The following EPB41L5 variants were observed in gnomAD, a reference collection of about 807,000 sequenced individuals.
The protein encoded by EPB41L5 is erythrocyte membrane protein band 4.1 like 5.
In EPB41L5, 55 loss-of-function variants were observed where a neutral mutation model predicts 106.6. The observed-to-expected ratio is 0.52, with a 90% confidence interval of 0.42 to 0.65. EPB41L5 has a LOEUF of 0.65. Among genes scored for constraint, EPB41L5 ranks in the 30% least tolerant of loss-of-function variants. The pLI is 0.00. For missense variants in EPB41L5, 871 were observed against 882.1 expected (o/e 0.99, Z 0.16); for synonymous variants, 297 against 306.7 (o/e 0.97, Z 0.33).
chr2:120,110,825 G>A (rs547772463), intron 16 of EPB41L5, among the ~76,000 whole-genome samples: 21 of 151,834 alleles, frequency 1.4e-4, no homozygotes, highest in Admixed American at 3.3e-4. Flanking sequence ...TAGTAGAAAC[G>A]GGGCTTCACC....
intron 3 of EPB41L5, among the ~76,000 whole-genome samples, chr2:120,051,998 T>C (rs942656434): frequency 2.6e-5 from 4 of 152,144 alleles, no homozygotes; most frequent in Non-Finnish European, 5.9e-5. Context: ...GGCTAATGTT[T>C]GTATTTTTAG....
chr2:120,134,292 T>A (rs1450903181), intron 18 of EPB41L5, among the ~76,000 whole-genome samples: 1 of 152,024 alleles, frequency 6.6e-6, no homozygotes, highest in Non-Finnish European at 1.5e-5. Context: ...CTGAGTAGAT[T>A]CCTACAGTTC....
At chr2:120,166,151 A>G (rs952056811) in intron 22 of EPB41L5, among the ~76,000 whole-genome samples, 3 of 152,036 alleles carry the variant, frequency 2.0e-5, no homozygotes, top group African/African-American at 7.2e-5. Context: ...CTTGGAGGGG[A>G]CGTTAACACA....
At chr2:120,027,767 A>G (rs1177986304) in intron 2 of EPB41L5, among the ~76,000 whole-genome samples, 5 of 152,284 alleles carry the variant, frequency 3.3e-5, no homozygotes, top group African/African-American at 9.6e-5. Flanking sequence ...ATGGTTGCAT[A>G]TATCTGTGAA....
chr2:120,085,705 TA>T lies in EPB41L5; in HGVS notation c.804-1465del, dbSNP rs541994829. Among the ~76,000 whole-genome samples the T allele has an allele frequency of 3.9e-5, 6 of 152,340 alleles. No individual in the cohort carries two copies. In the South Asian group the frequency reaches 1.2e-3, roughly 32 times the overall value. On this transcript the variant is annotated intron_variant, in intron 10 of 24. Transcript: ENST00000263713. ...CTGAGAGACTTGAGTTGAACACCTT[TA>T]CGGTTGTCCCTTGATGCGTGAAGAA...
At chr2:120,096,731 A>C in intron 14 of EPB41L5, among the ~76,000 whole-genome samples, 1 of 152,226 alleles carries the variant, frequency 6.6e-6, no homozygotes, top group South Asian at 2.1e-4. Context: ...CGGAGGTTGC[A>C]CTGAGCCGAG....
Position 120,160,974 on chromosome 2 carries a change from G to A in EPB41L5, c.1887G>A (p.Lys629=). Residue 629 remains lysine, a splice_region_variant and synonymous_variant, in exon 21 of 25, where the codon AAG becomes AAA. Transcript: ENST00000263713. ...CTGCCGACAGTGGTTCTGTTCTAAA[G>A]GTAAGAATACTTTTACTTCTTAAAA... is the stretch of plus-strand genomic sequence containing the variant. ...ITPADSGSVL[K]EATDELDALL... 6.2e-7 allele frequency: 1 copy of A among 1,611,034 alleles called. No homozygotes were observed. Among genetic ancestry groups the A allele is most frequent in the South Asian group, 1.1e-5 (1 of 90,978 alleles).
intron 16 of EPB41L5, chr2:120,104,138 A>C (rs1357909426): frequency 6.5e-7 from 1 of 1,536,130 alleles, no homozygotes. Flanking sequence ...CCCAGACCGC[A>C]CATAGAAACT....
intron 3 of EPB41L5, among the ~76,000 whole-genome samples, chr2:120,046,244 A>G (rs562686975): frequency 2.0e-4 from 31 of 152,286 alleles, no homozygotes; most frequent in African/African-American, 7.5e-4. Context: ...TGTCTTCCAC[A>G]ATGGTTGAAC....
chr2:120,161,983 T>C (rs1687157153), intron 21 of EPB41L5, among the ~76,000 whole-genome samples: 1 of 152,182 alleles, frequency 6.6e-6, no homozygotes, highest in Non-Finnish European at 1.5e-5. Context: ...GGACTGCTGC[T>C]CTAGGGAATG....
At chr2:120,153,553 G>T (rs1330488417) in intron 20 of EPB41L5, among the ~76,000 whole-genome samples, 1 of 151,938 alleles carries the variant, frequency 6.6e-6, no homozygotes, top group Non-Finnish European at 1.5e-5. Context: ...CTTTTCTCTG[G>T]TTGTTCTACC....
At position 120,106,313 on chromosome 2, in the gene EPB41L5, T is replaced by C. The variant is rs574142221; in HGVS notation, c.1337+5499T>C. ...AGTAAAATTAAACTTGTCTATTTTA[T>C]AGAAGTTCCCATATGCTTCAGAATT... On this transcript the variant is annotated intron_variant, in intron 16 of 24. Transcript: ENST00000263713. 13 of 985,298 alleles carry C rather than the reference T, an allele frequency of 1.3e-5. No homozygotes were observed. The African/African-American group carries it at 2.1e-4, about 16-fold the overall frequency. The allele number at this position is 985,298 out of a possible 1,614,324, so 61.0% of individuals were successfully genotyped here. A position where few individuals can be genotyped will look rare whatever the true frequency, so the allele number is the denominator to read the frequency against.
At chr2:120,051,839 T>G (rs1025561022) in intron 3 of EPB41L5, among the ~76,000 whole-genome samples, 14 of 152,150 alleles carry the variant, frequency 9.2e-5, no homozygotes, top group African/African-American at 3.4e-4. Context: ...GTTTTGTTTT[T>G]TTTTTGAGAC....
chr2:120,046,896 A>G lies in EPB41L5; in HGVS notation c.285+4786A>G, dbSNP rs1297050552. Among the ~76,000 whole-genome samples, 15 of 152,296 alleles carry G rather than the reference A, an allele frequency of 9.8e-5. No individual in the cohort carries two copies. The South Asian group carries it at 2.1e-3, about 21-fold the overall frequency. On this transcript the variant is annotated intron_variant, in intron 3 of 24. Coordinates refer to ENST00000263713, the MANE Select transcript of EPB41L5 (RefSeq NM_020909.4). The stretch of plus-strand genomic sequence containing the variant: ...CTACATATGGCTAGCCAGTTTTCCC[A>G]GCACCATTTATTAAATAGGGAATCC...
chr2:120,037,782 ACTCAGTGGAG>A (rs1679136173), intron 2 of EPB41L5, among the ~76,000 whole-genome samples: 1 of 152,154 alleles, frequency 6.6e-6, no homozygotes, highest in Non-Finnish European at 1.5e-5. Context: ...TGCCAAAACC[ACTCAGTGGAG>A]AAAAGACAGT....
At chr2:120,119,827 G>T (rs1222590504) in intron 16 of EPB41L5, among the ~76,000 whole-genome samples, 1 of 152,090 alleles carries the variant, frequency 6.6e-6, no homozygotes, top group African/African-American at 2.4e-5. Flanking sequence ...GTCTATTTGA[G>T]ACAATTAATT....
intron 16 of EPB41L5, chr2:120,104,292 A>G: frequency 6.6e-7 from 1 of 1,504,854 alleles, no homozygotes; most frequent in Admixed American, 2.1e-5. Flanking sequence ...TTGATGGTAT[A>G]CATTATCTGG....
chr2:120,148,745 A>T (rs1320640989), intron 20 of EPB41L5, among the ~76,000 whole-genome samples: 1 of 152,168 alleles, frequency 6.6e-6, no homozygotes, highest in Admixed American at 6.5e-5. Flanking sequence ...ACATTTATTT[A>T]TCCATATATC....
intron 2 of EPB41L5, among the ~76,000 whole-genome samples, chr2:120,028,579 G>C (rs1292396882): frequency 6.6e-6 from 1 of 152,082 alleles, no homozygotes; most frequent in Non-Finnish European, 1.5e-5. Context: ...TGCTTGATTT[G>C]TTACAGAAGA....
Sources: allele counts gnomAD v4.1 joint callset (sites outside exome capture counted in the v4.1 genomes callset), GRCh38; gene constraint gnomAD v4.1.1; transcripts MANE v1.5; gene names NCBI Gene and HGNC (gene_info 2026-07-23, HGNC 2026-07-21).